The following SEMA5A variants were observed in gnomAD, a reference collection of about 807,000 sequenced individuals.
The protein encoded by SEMA5A is semaphorin-5A.
A neutral mutation model predicts 135.5 loss-of-function variants in SEMA5A; 55 were observed. The observed-to-expected ratio is 0.41, with a 90% CI of 0.33 to 0.51. The LOEUF is 0.51. Among genes scored for constraint, SEMA5A ranks in the 20% least tolerant of loss-of-function variants. The pLI is 0.37. For synonymous variants in SEMA5A, 580 were observed against 546.5 expected, an observed-to-expected ratio of 1.06 and a Z score of -0.85; for missense variants, 1,290 against 1,419.9, an observed-to-expected ratio of 0.91 and a Z score of 1.47.
Position 9,213,306 on chromosome 5 carries a change from G to A in SEMA5A, c.647-11066C>T, listed in dbSNP as rs184361007. ...TGCTTACTTTAATGCCAGCACTGCTGTAAGCATGTGGGACCCAGGAGTGAG... is the reference window on the plus strand; with the variant it reads ...TGCTTACTTTAATGCCAGCACTGCTATAAGCATGTGGGACCCAGGAGTGAG... On this transcript the variant is annotated intron_variant, in intron 8 of 22. Coordinates refer to ENST00000382496, the MANE Select transcript of SEMA5A (RefSeq NM_003966.3). 1.7e-3 allele frequency among the ~76,000 whole-genome samples: 252 copies of A among 152,340 alleles called. 1 individual carries two copies. The highest frequency in any genetic ancestry group is 5.8e-3 in the African/African-American group (241 of 41,580).
intron 2 of SEMA5A, 139 bp downstream of exon 2, chr5:9,437,617 G>A (rs1027549296): frequency 6.6e-6 from 1 of 152,200 alleles, no homozygotes; most frequent in African/African-American, 2.4e-5. Context: ...CTCCCAAAAT[G>A]CTGGGATTAC....
At chr5:9,404,367 A>C (rs1446352938) in intron 2 of SEMA5A, among the ~76,000 whole-genome samples, 2 of 152,228 alleles carry the variant, frequency 1.3e-5, no homozygotes, top group Non-Finnish European at 2.9e-5. Context: ...AGTTAGATTA[A>C]GAAGACATCA....
chr5:9,484,850 T>C (rs1453188435), intron 1 of SEMA5A, among the ~76,000 whole-genome samples: 6 of 152,018 alleles, frequency 3.9e-5, no homozygotes, highest in Non-Finnish European at 7.4e-5. Context: ...CCTTCTCTCC[T>C]CCTCCACACC....
At chr5:9,127,939 G>A (rs150690991) in intron 13 of SEMA5A, among the ~76,000 whole-genome samples, 4 of 152,254 alleles carry the variant, frequency 2.6e-5, no homozygotes, top group Non-Finnish European at 4.4e-5. Context: ...GGTGACAACC[G>A]AATGAAGACG....
At chr5:9,192,976 G>A (rs190947187) in intron 10 of SEMA5A, among the ~76,000 whole-genome samples, 10 of 152,200 alleles carry the variant, frequency 6.6e-5, no homozygotes, top group African/African-American at 1.9e-4. Flanking sequence ...GGGAGTTCTC[G>A]GTGGCAGGGG....
At chr5:9,248,557 A>AC (rs1748596293) in intron 5 of SEMA5A, among the ~76,000 whole-genome samples, 1 of 2,042 alleles carries the variant, frequency 4.9e-4, no homozygotes, top group Non-Finnish European at 0.083. Flanking sequence ...CTCATACGGC[A>AC]AAAAAAAAAA....
At chr5:9,396,636 A>G (rs1374913766) in intron 2 of SEMA5A, among the ~76,000 whole-genome samples, 1 of 152,190 alleles carries the variant, frequency 6.6e-6, no homozygotes, top group Non-Finnish European at 1.5e-5. Context: ...GGAACACCAC[A>G]TAGCCCAGCA....
At chr5:9,233,977 C>T (rs569396381) in intron 6 of SEMA5A, among the ~76,000 whole-genome samples, 95 of 151,820 alleles carry the variant, frequency 6.3e-4, no homozygotes, top group South Asian at 6.0e-3. Context: ...TGAGATGTCA[C>T]ATTTTGCATT....
chr5:9,352,582 C>A (rs924074638), intron 3 of SEMA5A, among the ~76,000 whole-genome samples: 1 of 152,224 alleles, frequency 6.6e-6, no homozygotes, highest in East Asian at 1.9e-4. Flanking sequence ...TGATTGTGTT[C>A]GAGAAGCACT....
At chr5:9,141,786 G>C (rs1742079866) in intron 12 of SEMA5A, among the ~76,000 whole-genome samples, 1 of 152,074 alleles carries the variant, frequency 6.6e-6, no homozygotes, top group Non-Finnish European at 1.5e-5. Flanking sequence ...TATTTTCACT[G>C]TATTTCTGAA....
intron 2 of SEMA5A, among the ~76,000 whole-genome samples, chr5:9,400,228 T>C (rs896461291): frequency 1.3e-5 from 2 of 152,130 alleles, no homozygotes; most frequent in African/African-American, 4.8e-5. Flanking sequence ...AAAACCTAGA[T>C]GATGGGTTGA....
chr5:9,487,669 A>G (rs915545735), intron 1 of SEMA5A, among the ~76,000 whole-genome samples: 3 of 152,146 alleles, frequency 2.0e-5, no homozygotes, highest in African/African-American at 7.2e-5. Context: ...AGAACATACA[A>G]TTTCCAAAAT....
chr5:9,224,702 C>T lies in SEMA5A; in HGVS notation c.618G>A (p.Thr206=), dbSNP rs552627868. 102 of 1,614,084 alleles carry T rather than the reference C, an allele frequency of 6.3e-5. No individual in the cohort carries two copies. Among genetic ancestry groups the T allele is most frequent in the Admixed American group, 3.7e-4 (22 of 60,034 alleles). Reference sequence around the variant, plus strand: ...TGAGCCATTTGGAGTTGTACTGCGCCGTGCGGAGAGGAGGTAAAATGCCTA... The same window carrying T: ...TGAGCCATTTGGAGTTGTACTGCGCTGTGCGGAGAGGAGGTAAAATGCCTA... ...RSLGILPPLR[T]AQYNSKWLNE... The change falls in exon 8 of 23, where the codon ACG becomes ACA. Residue 206 remains threonine (T), a synonymous_variant. Transcript: ENST00000382496.
intron 1 of SEMA5A, among the ~76,000 whole-genome samples, chr5:9,533,605 T>A (rs920198754): frequency 1.3e-5 from 2 of 152,170 alleles, no homozygotes; most frequent in African/African-American, 4.8e-5. Context: ...ATCCAATTAA[T>A]CATGTGAAAG....
intron 11 of SEMA5A, among the ~76,000 whole-genome samples, chr5:9,184,032 GAATTTAGCCCCT>G (rs1744670449): frequency 6.6e-6 from 1 of 152,018 alleles, no homozygotes; most frequent in African/African-American, 2.4e-5. Flanking sequence ...TCATTTGGCT[GAATTTAGCCCCT>G]AATTAGTCTT....
chr5:9,458,188 T>C (rs1758919151), intron 1 of SEMA5A, among the ~76,000 whole-genome samples: 2 of 151,036 alleles, frequency 1.3e-5, no homozygotes, highest in Non-Finnish European at 2.9e-5. Flanking sequence ...ATTACAGGCG[T>C]GAGCCACCGC....
In SEMA5A at chr5:9,036,274, A is replaced by AAT. The variant is rs1735649412; in HGVS notation, c.*6621_*6622dup. 1 of 152,160 alleles carries AAT rather than the reference A, an allele frequency of 6.6e-6. No homozygotes were observed. Among genetic ancestry groups the AAT allele is most frequent in the African/African-American group, 2.4e-5 (1 of 41,410 alleles). The allele number at this position is 152,160 out of a possible 1,614,324, so 9.4% of individuals were successfully genotyped here. Reference sequence around the variant, plus strand: ...AACAGTCATGGTAAAAGAGAAAAACAATCAACTTCAGCAGAGATAATACTA... The same window carrying AAT: ...AACAGTCATGGTAAAAGAGAAAAACAATATCAACTTCAGCAGAGATAATACTA... On this transcript the variant is annotated 3_prime_UTR_variant, in exon 23 of 23. Transcript: ENST00000382496.
At chr5:9,326,277 G>A (rs1259182075) in intron 4 of SEMA5A, among the ~76,000 whole-genome samples, 1 of 152,192 alleles carries the variant, frequency 6.6e-6, no homozygotes, top group Non-Finnish European at 1.5e-5. Flanking sequence ...TTGAGATGGA[G>A]TCTCGCTCTG....
intron 8 of SEMA5A, among the ~76,000 whole-genome samples, chr5:9,219,202 G>A (rs1009475497): frequency 2.6e-5 from 4 of 152,194 alleles, no homozygotes; most frequent in Non-Finnish European, 1.5e-5. Flanking sequence ...GTCAGAGAGG[G>A]GCTAGTGCAG....
Sources: allele counts gnomAD v4.1 joint callset (sites outside exome capture counted in the v4.1 genomes callset), GRCh38; gene constraint gnomAD v4.1.1; transcripts MANE v1.5; gene names NCBI Gene and HGNC (gene_info 2026-07-23, HGNC 2026-07-21).